Variants in ROBO2 observed in about 807,000 individuals in gnomAD.
ROBO2 encodes the protein roundabout guidance receptor 2, also known as roundabout homolog 2.
Under a neutral mutation model 160.8 loss-of-function variants are expected in ROBO2, and 53 were observed. The ratio of observed to expected loss-of-function variants is 0.33; its 90% CI spans 0.26 to 0.41. The LOEUF (loss-of-function observed/expected upper bound fraction) is 0.41, where lower values mean the gene tolerates loss of function less well. Ranked by LOEUF, ROBO2 falls within the 10% of genes least tolerant of loss-of-function variation. The pLI is 1.00. For missense variants in ROBO2, 1,577 were observed against 1,722.4 expected (o/e 0.92, Z 1.49); for synonymous variants, 664 against 611.7 (o/e 1.09, Z -1.26).
intron 2 of ROBO2, among the ~76,000 whole-genome samples, chr3:76,765,457 C>T (rs1256798102): frequency 1.3e-5 from 2 of 151,508 alleles, no homozygotes; most frequent in Non-Finnish European, 3.0e-5. Flanking sequence ...ATGTCTCCTC[C>T]CATTGAATCT....
At chr3:77,618,869 C>T (rs981933510) in intron 22 of ROBO2, among the ~76,000 whole-genome samples, 2 of 152,154 alleles carry the variant, frequency 1.3e-5, no homozygotes, top group African/African-American at 4.8e-5. Context: ...TTTCATCAAT[C>T]TGCTTTTAAT....
Position 77,269,814 on chromosome 3 carries a change from T to G in ROBO2, c.388+171474T>G, listed in dbSNP as rs939112004. 2.6e-5 allele frequency among the ~76,000 whole-genome samples: 4 copies of G among 152,148 alleles called. No individual in the cohort carries two copies. The East Asian group carries it at 7.7e-4, about 29-fold the overall frequency. Reference sequence around the variant, plus strand: ...AAGTCTCCATAGTTTTCAGAAAATGTGGTGAGAAAAACTTTTCTCTCTTCT... The same window carrying G: ...AAGTCTCCATAGTTTTCAGAAAATGGGGTGAGAAAAACTTTTCTCTCTTCT... On this transcript the variant is annotated intron_variant, in intron 2 of 25. Transcript: ENST00000461745.
chr3:76,244,518 A>C (rs1705497776), intron 2 of ROBO2, among the ~76,000 whole-genome samples: 1 of 151,998 alleles, frequency 6.6e-6, no homozygotes, highest in African/African-American at 2.4e-5. Context: ...GTGGCATTAC[A>C]TTTCCAGTCC....
At chr3:76,744,750 T>TA (rs879736035) in intron 2 of ROBO2, among the ~76,000 whole-genome samples, 33 of 144,046 alleles carry the variant, frequency 2.3e-4, no homozygotes, top group East Asian at 1.4e-3. Context: ...AACATAAACT[T>TA]AAAAAAAATC....
At chr3:77,009,697 C>T (rs1043154173) in intron 2 of ROBO2, among the ~76,000 whole-genome samples, 4 of 151,970 alleles carry the variant, frequency 2.6e-5, no homozygotes, top group Admixed American at 6.6e-5. Context: ...GTGGCTCATG[C>T]CCATAATCCC....
intron 2 of ROBO2, among the ~76,000 whole-genome samples, chr3:76,343,031 A>G (rs577397893): frequency 8.8e-4 from 134 of 152,206 alleles, no homozygotes; most frequent in African/African-American, 3.0e-3. Context: ...ATGGTAATCA[A>G]ATGTTCCAAA....
intron 2 of ROBO2, among the ~76,000 whole-genome samples, chr3:76,831,001 T>C (rs1194477092): frequency 6.6e-6 from 1 of 151,922 alleles, no homozygotes; most frequent in Non-Finnish European, 1.5e-5. Context: ...AAAAAATAAA[T>C]TAATTAATAA....
chr3:77,106,397 G>A (rs1044987782), intron 2 of ROBO2, among the ~76,000 whole-genome samples: 1 of 147,212 alleles, frequency 6.8e-6, no homozygotes, highest in Non-Finnish European at 1.5e-5. Flanking sequence ...GATGCAAGTT[G>A]ATTTTACTGA....
chr3:76,980,806 G>A (rs185087255), intron 2 of ROBO2, among the ~76,000 whole-genome samples: 129 of 151,936 alleles, frequency 8.5e-4, no homozygotes, highest in Non-Finnish European at 1.5e-3. Context: ...CATTTTTATT[G>A]TATCAAGAAA....
At chr3:77,129,129 ATTTC>A (rs1424303320) in intron 2 of ROBO2, among the ~76,000 whole-genome samples, 2 of 151,244 alleles carry the variant, frequency 1.3e-5, no homozygotes, top group Non-Finnish European at 2.9e-5. Flanking sequence ...TCTACTAATT[ATTTC>A]TTTATTTTTA....
intron 2 of ROBO2, among the ~76,000 whole-genome samples, chr3:77,474,200 A>G (rs1168397305): frequency 2.6e-5 from 4 of 152,158 alleles, no homozygotes; most frequent in Non-Finnish European, 5.9e-5. Context: ...AAGGTTATTG[A>G]ATCCGCCTAA....
intron 2 of ROBO2, among the ~76,000 whole-genome samples, chr3:76,222,959 TAGTC>T (rs1704064480): frequency 6.6e-6 from 1 of 151,928 alleles, no homozygotes; most frequent in Non-Finnish European, 1.5e-5. Flanking sequence ...TTCACCGTAT[TAGTC>T]AGGCTGGTCT....
chr3:76,025,885 T>C (rs1005171660), intron 2 of ROBO2, among the ~76,000 whole-genome samples: 16 of 151,900 alleles, frequency 1.1e-4, no homozygotes, highest in African/African-American at 3.9e-4. Context: ...ATGCTAATGA[T>C]GGCCAAATCC....
chr3:76,872,619 C>T (rs1277959974), intron 2 of ROBO2, among the ~76,000 whole-genome samples: 1 of 151,840 alleles, frequency 6.6e-6, no homozygotes, highest in African/African-American at 2.4e-5. Flanking sequence ...ATCAATAAAG[C>T]CACAAACTGT....
chr3:77,604,778 T>G (rs935988843), intron 20 of ROBO2, among the ~76,000 whole-genome samples: 6 of 152,140 alleles, frequency 3.9e-5, no homozygotes, highest in Non-Finnish European at 8.8e-5. Context: ...GGATAACTAA[T>G]CATATGGTAT....
At chr3:76,173,285 T>C (rs549065229) in intron 2 of ROBO2, among the ~76,000 whole-genome samples, 1 of 152,138 alleles carries the variant, frequency 6.6e-6, no homozygotes, top group East Asian at 1.9e-4. Flanking sequence ...CATACTTATG[T>C]ATCAAATTCA....
At chr3:76,904,566 T>A (rs2075460387) in intron 2 of ROBO2, among the ~76,000 whole-genome samples, 1 of 152,176 alleles carries the variant, frequency 6.6e-6, no homozygotes, top group African/African-American at 2.4e-5. Flanking sequence ...GTGAGAGAAC[T>A]AAGCAATTCC....
chr3:75,993,513 G>A (rs2065631208), intron 2 of ROBO2, among the ~76,000 whole-genome samples: 1 of 152,116 alleles, frequency 6.6e-6, no homozygotes, highest in African/African-American at 2.4e-5. Context: ...TCTCAGGTAT[G>A]TCTTTATTAG....
intron 2 of ROBO2, among the ~76,000 whole-genome samples, chr3:76,566,260 G>T (rs770989039): frequency 1.3e-5 from 2 of 152,148 alleles, no homozygotes; most frequent in Non-Finnish European, 2.9e-5. Context: ...CCTGTTATTT[G>T]CTCAATGTTG....
Sources: allele counts gnomAD v4.1 joint callset (sites outside exome capture counted in the v4.1 genomes callset), GRCh38; gene constraint gnomAD v4.1.1; transcripts MANE v1.5; gene names NCBI Gene and HGNC (gene_info 2026-07-23, HGNC 2026-07-21).